RAD54L2: variants seen among roughly 807,000 people sequenced by gnomAD.
The protein encoded by RAD54L2 is helicase ARIP4.
RAD54L2 carries 27 observed loss-of-function variants against 138.4 expected under a neutral mutation model. The ratio of observed to expected loss-of-function variants is 0.20; its 90% confidence interval spans 0.14 to 0.27. The LOEUF (loss-of-function observed/expected upper bound fraction) is 0.27, where lower values mean the gene tolerates loss of function less well. RAD54L2 is among the 10% of genes least tolerant of loss of function. RAD54L2 has a pLI of 1.00. For synonymous variants in RAD54L2, 644 were observed against 723.2 expected, an observed-to-expected ratio of 0.89 and a Z score of 1.76; for missense variants, 1,396 against 1,890.2, an observed-to-expected ratio of 0.74 and a Z score of 4.85.
intron 3 of RAD54L2, among the ~76,000 whole-genome samples, chr3:51,607,889 G>T (rs1297211714): frequency 5.6e-5 from 8 of 141,986 alleles, no homozygotes; most frequent in African/African-American, 2.1e-4. Context: ...GGCGGGGGCT[G>T]CCCCCCACCT....
chr3:51,545,417 C>T (rs1440440459), intron 2 of RAD54L2, among the ~76,000 whole-genome samples: 5 of 151,888 alleles, frequency 3.3e-5, no homozygotes, highest in Middle Eastern at 3.4e-3. Flanking sequence ...ATCTTGAACT[C>T]GTGACCTTGT....
chr3:51,565,275 T>C (rs1172681455), intron 2 of RAD54L2, among the ~76,000 whole-genome samples: 3 of 152,120 alleles, frequency 2.0e-5, no homozygotes, highest in Non-Finnish European at 4.4e-5. Context: ...TCTTAGCTAC[T>C]GGGTTGGCGT....
intron 3 of RAD54L2, among the ~76,000 whole-genome samples, chr3:51,609,371 G>T (rs1212329462): frequency 6.6e-6 from 1 of 152,172 alleles, no homozygotes; most frequent in Non-Finnish European, 1.5e-5. Context: ...CTTAGGCTGG[G>T]GTGTGGGAAC....
chr3:51,554,165 G>A (rs72951472), intron 2 of RAD54L2, among the ~76,000 whole-genome samples: 5,816 of 152,100 alleles, frequency 0.038, 395 homozygotes, highest in African/African-American at 0.13. Context: ...TCAAGAGATC[G>A]AGAGCAGCCT....
intron 3 of RAD54L2, among the ~76,000 whole-genome samples, chr3:51,601,332 G>A (rs1024217783): frequency 6.6e-5 from 9 of 136,894 alleles, no homozygotes; most frequent in African/African-American, 2.5e-4. Context: ...TTTTGAGAGG[G>A]AGTCTCGCTA....
At chr3:51,562,051 CCT>C (rs1699111065) in intron 2 of RAD54L2, among the ~76,000 whole-genome samples, 1 of 147,910 alleles carries the variant, frequency 6.8e-6, no homozygotes, top group African/African-American at 2.5e-5. Flanking sequence ...TTTTTTTCCC[CCT>C]GAGACCGAGT....
chr3:51,555,845 C>A (rs187005265), intron 2 of RAD54L2, among the ~76,000 whole-genome samples: 3 of 152,174 alleles, frequency 2.0e-5, no homozygotes, highest in Non-Finnish European at 4.4e-5. Flanking sequence ...ATGTCAACTT[C>A]GGTGATGGTG....
intron 15 of RAD54L2, 83 bp downstream of exon 15, chr3:51,641,950 C>G: frequency 1.0e-6 from 1 of 966,000 alleles, no homozygotes; most frequent in East Asian, 2.7e-5. Flanking sequence ...TTCTCTTTCT[C>G]CACTCCATCA....
intron 3 of RAD54L2, among the ~76,000 whole-genome samples, chr3:51,607,427 A>G (rs1700211871): frequency 6.6e-6 from 1 of 152,314 alleles, no homozygotes; most frequent in African/African-American, 2.4e-5. Flanking sequence ...GTTGGGGGTA[A>G]GGTTATAGAT....
chr3:51,649,840 T>C (rs1701383336), intron 19 of RAD54L2, among the ~76,000 whole-genome samples: 1 of 152,154 alleles, frequency 6.6e-6, no homozygotes, highest in Non-Finnish European at 1.5e-5. Context: ...CATGCCAAAT[T>C]GTAAAGACCA....
chr3:51,607,074 TTTTA>T (rs1337207062), intron 3 of RAD54L2, among the ~76,000 whole-genome samples: 1 of 148,990 alleles, frequency 6.7e-6, no homozygotes, highest in African/African-American at 2.4e-5. Flanking sequence ...TTTTATTTTT[TTTTA>T]TTTTTTTATT....
At chr3:51,657,523 C>T in intron 20 of RAD54L2, 57 bp from the exon 21 acceptor site, 1 of 1,217,740 alleles carries the variant, frequency 8.2e-7, no homozygotes, top group South Asian at 1.3e-5. Context: ...TGCAATTTTC[C>T]CCCCTCCTTC....
chr3:51,657,079 A>C (rs9826415), intron 20 of RAD54L2, among the ~76,000 whole-genome samples: 1,646 of 152,292 alleles, frequency 0.011, 43 homozygotes, highest in African/African-American at 0.036. Flanking sequence ...GATTTTTCTA[A>C]GTAAAAAATT....
chr3:51,561,706 A>C (rs1236004339), intron 2 of RAD54L2, among the ~76,000 whole-genome samples: 1 of 149,306 alleles, frequency 6.7e-6, no homozygotes, highest in African/African-American at 2.5e-5. Flanking sequence ...GGACCACAGG[A>C]GCATGCCACC....
At chr3:51,627,502 C>G (rs1056653500) in intron 3 of RAD54L2, 51 bp from the exon 4 acceptor site, 4 of 1,511,358 alleles carry the variant, frequency 2.6e-6, no homozygotes, top group Middle Eastern at 2.3e-4. Flanking sequence ...GTCATCCAGA[C>G]TCATTCCCCC....
Position 51,631,981 on chromosome 3 carries a change from C to G in RAD54L2, c.825+1050C>G, listed in dbSNP as rs533275781. Among the ~76,000 whole-genome samples, 21 of 152,192 alleles carry G rather than the reference C, an allele frequency of 1.4e-4. No homozygotes were observed. The South Asian group carries it at 4.1e-3, about 30-fold the overall frequency. ...CATTAACCAACGTCTCTTCCTCCCC[C>G]TCCTCTCCCTTCTCAGCCTCTGGTA... is the stretch of plus-strand genomic sequence containing the variant. On this transcript the variant is annotated intron_variant, in intron 7 of 22. Transcript: ENST00000684192.
rs372765513 is a variant in RAD54L2 at position 51,660,512 on chromosome 3, C to G, written c.3409+394C>G. Among the ~76,000 whole-genome samples, 57 of 152,028 alleles carry G rather than the reference C, an allele frequency of 3.7e-4. 1 individual carries two copies. The South Asian group carries it at 0.011, about 28-fold the overall frequency. The stretch of plus-strand genomic sequence containing the variant: ...ATTTTTAGTAGAGACGGCTTTTCAC[C>G]GTGTTAGCCAGGATGGTCTTGATCT... On this transcript the variant is annotated intron_variant, in intron 22 of 22. Coordinates refer to ENST00000684192, the MANE Select transcript of RAD54L2 (RefSeq NM_015106.4).
intron 2 of RAD54L2, among the ~76,000 whole-genome samples, chr3:51,583,287 T>C (rs1699646786): frequency 6.6e-6 from 1 of 152,178 alleles, no homozygotes; most frequent in Non-Finnish European, 1.5e-5. Context: ...AACTGTATTG[T>C]TGAAGCACAT....
chr3:51,622,648 A>G (rs1700592112), intron 3 of RAD54L2, among the ~76,000 whole-genome samples: 2 of 152,166 alleles, frequency 1.3e-5, no homozygotes, highest in Non-Finnish European at 2.9e-5. Context: ...CAGTAATCAC[A>G]TTAGTCTCCC....
Sources: allele counts gnomAD v4.1 joint callset (sites outside exome capture counted in the v4.1 genomes callset), GRCh38; gene constraint gnomAD v4.1.1; transcripts MANE v1.5; gene names NCBI Gene and HGNC (gene_info 2026-07-23, HGNC 2026-07-21).